Variants in ZMYND8 observed in about 807,000 individuals in gnomAD.
ZMYND8 encodes the protein zinc finger MYND-type containing 8.
Under a neutral mutation model 140.8 loss-of-function variants are expected in ZMYND8, and 37 were observed. That is an observed-to-expected ratio of 0.26 (90% confidence interval 0.20 to 0.35). The LOEUF (loss-of-function observed/expected upper bound fraction) is 0.35, where lower values mean the gene tolerates loss of function less well. Among genes scored for constraint, ZMYND8 ranks in the 10% least tolerant of loss-of-function variants. The pLI, the probability that ZMYND8 is intolerant of heterozygous loss-of-function variation, is 1.00. For synonymous variants in ZMYND8, 592 were observed against 597.1 expected (o/e 0.99, Z 0.12); for missense variants, 1,068 against 1,570.0 (o/e 0.68, Z 5.40).
chr20:47,305,561 CAA>C (rs3092386), intron 3 of ZMYND8, among the ~76,000 whole-genome samples: 6 of 126,514 alleles, frequency 4.7e-5, no homozygotes, highest in Non-Finnish European at 3.6e-5. Flanking sequence ...TTGTTTCTTT[CAA>C]AAAAAAAAAA....
At position 47,210,833 on chromosome 20, in the gene ZMYND8, G is replaced by A. The variant is rs758785190; in HGVS notation, c.3633C>T (p.Ser1211=). The change falls in exon 23 of 23, where the codon TCC becomes TCT. Residue 1211 remains serine, a synonymous_variant. Coordinates refer to ENST00000471951, the MANE Select transcript of ZMYND8 (RefSeq NM_001281775.3). ...TCGTGCTGGTACTGGTGTTGTGATC[G>A]GAACGTGTCGATCCCCTCTTCTCAT... ...SSDEKRGSTR[S]DHNTSTSTKS... is the part of the protein sequence containing the mutation. 64 of 1,613,948 alleles carry A rather than the reference G, an allele frequency of 4.0e-5. No homozygotes were observed. The East Asian group carries it at 1.2e-3, about 30-fold the overall frequency.
Position 47,276,811 on chromosome 20 carries a change from A to G in ZMYND8, c.999-16T>C, listed in dbSNP as rs770718602. ...AACCCAGGCCCTAGAAGGGCAAAAG[A>G]TAAAGAGAGTTTAAGTCAACTTCAG... On this transcript the variant is annotated splice_polypyrimidine_tract_variant and intron_variant, in intron 10 of 22. Coordinates refer to ENST00000471951, the MANE Select transcript of ZMYND8 (RefSeq NM_001281775.3). The G allele has an allele frequency of 1.9e-6, 3 of 1,568,912 alleles. No individual in the cohort carries two copies. In the African/African-American group the frequency reaches 4.1e-5, roughly 22 times the overall value.
chr20:47,288,614 G>A (rs183057676), intron 7 of ZMYND8, among the ~76,000 whole-genome samples: 2 of 151,882 alleles, frequency 1.3e-5, no homozygotes, highest in African/African-American at 4.8e-5. Context: ...AGCTGATCTC[G>A]AACCCCTGAC....
intron 12 of ZMYND8, among the ~76,000 whole-genome samples, chr20:47,255,677 ATG>A (rs376160663): frequency 2.3e-4 from 23 of 100,916 alleles, no homozygotes; most frequent in African/African-American, 6.1e-4. Context: ...TATATGGTGT[ATG>A]TGTGTGTGTG....
chr20:47,334,191 C>G (rs2081204121), intron 2 of ZMYND8, among the ~76,000 whole-genome samples: 1 of 152,114 alleles, frequency 6.6e-6, no homozygotes, highest in South Asian at 2.1e-4. Context: ...GATCATGTGG[C>G]TGACTGGGAG....
intron 7 of ZMYND8, among the ~76,000 whole-genome samples, chr20:47,289,545 A>G (rs6018395): frequency 0.64 from 97,417 of 151,630 alleles, 32,237 homozygotes; most frequent in African/African-American, 0.81. Flanking sequence ...GCCCAAAGCT[A>G]AGAACAACCC....
Position 47,298,453 on chromosome 20 carries a change from T to A in ZMYND8, c.453+276A>T. 1.0e-6 allele frequency: 1 copy of A among 985,396 alleles called. No individual in the cohort carries two copies. 61.0% of individuals were successfully genotyped at this position (985,396 alleles called of 1,614,324 possible). On this transcript the variant is annotated intron_variant, in intron 4 of 22. Transcript: ENST00000471951. This position sits in a 1 kb window ranked among gnomAD's most constrained non-coding sequence, Gnocchi z 5.0. ...GAGTTAACTTTCAAAAAGTTCATCA[T>A]AGAAGATGCAGAGATGACGACTACA...
chr20:47,317,278 T>C (rs1260551346), intron 2 of ZMYND8, among the ~76,000 whole-genome samples: 1 of 152,056 alleles, frequency 6.6e-6, no homozygotes, highest in Non-Finnish European at 1.5e-5. Context: ...ACCTCCCAAT[T>C]TCCAAACAGT....
chr20:47,275,912 T>C (rs2076229738), intron 11 of ZMYND8, among the ~76,000 whole-genome samples: 1 of 152,180 alleles, frequency 6.6e-6, no homozygotes, highest in Admixed American at 6.5e-5. Flanking sequence ...CCTGGTCAAG[T>C]ATTATTTTTT....
intron 2 of ZMYND8, among the ~76,000 whole-genome samples, chr20:47,328,650 G>A (rs1002400005): frequency 2.6e-5 from 4 of 152,104 alleles, no homozygotes; most frequent in African/African-American, 9.7e-5. Context: ...TTTTAGTAGA[G>A]ACAGGGTTTC....
chr20:47,212,760 CAGAG>C (rs1260636199), intron 21 of ZMYND8, 35 bp from the exon 22 acceptor site: 5 of 1,565,374 alleles, frequency 3.2e-6, no homozygotes, highest in African/African-American at 1.4e-5. Flanking sequence ...CAGAGTCTGT[CAGAG>C]AGCTGGAATT....
chr20:47,220,382 C>G, intron 20 of ZMYND8, 58 bp from the exon 21 acceptor site: 1 of 1,328,756 alleles, frequency 7.5e-7, no homozygotes, highest in Non-Finnish European at 1.1e-6. Context: ...GTCGCCCCCA[C>G]AGGGAAATCC....
At chr20:47,290,660 C>T (rs1449949369) in intron 6 of ZMYND8, among the ~76,000 whole-genome samples, 3 of 130,024 alleles carry the variant, frequency 2.3e-5, no homozygotes, top group Non-Finnish European at 4.6e-5. Flanking sequence ...GGCGTGATCT[C>T]GGCTCACTGC....
intron 18 of ZMYND8, among the ~76,000 whole-genome samples, chr20:47,225,994 T>C (rs2037659490): frequency 6.6e-6 from 1 of 151,298 alleles, no homozygotes; most frequent in Non-Finnish European, 1.5e-5. Context: ...CTACTAAAAG[T>C]ACAAAACTTA....
chr20:47,350,078 GA>G (rs2082647110), intron 1 of ZMYND8: 10 of 1,362,444 alleles, frequency 7.3e-6, no homozygotes, highest in African/African-American at 1.5e-5. Context: ...AAGAGAGAGG[GA>G]AAAAAAAGTT....
intron 4 of ZMYND8, among the ~76,000 whole-genome samples, 156 bp from the exon 5 acceptor site, chr20:47,294,935 T>C (rs2077546277): frequency 6.6e-6 from 1 of 152,212 alleles, no homozygotes; most frequent in Non-Finnish European, 1.5e-5. Context: ...TGGAACAAAA[T>C]GTACCAGATC....
At position 47,325,692 on chromosome 20, in the gene ZMYND8, T is replaced by G. The variant is rs2148400383; in HGVS notation, c.86-15488A>C. On this transcript the variant is annotated intron_variant, in intron 2 of 22. Transcript: ENST00000471951. Reference sequence around the variant, plus strand: ...CTTGAATGGGATGGGGCCATTCAGCTAAATGCAATTACTGAAAAATCAAAG... The same window carrying G: ...CTTGAATGGGATGGGGCCATTCAGCGAAATGCAATTACTGAAAAATCAAAG... 2.0e-5 allele frequency among the ~76,000 whole-genome samples: 3 copies of G among 152,324 alleles called. 1 individual carries two copies. In the Middle Eastern group the frequency reaches 0.01, roughly 518 times the overall value.
At chr20:47,343,261 G>A (rs2082056083) in intron 2 of ZMYND8, among the ~76,000 whole-genome samples, 1 of 152,188 alleles carries the variant, frequency 6.6e-6, no homozygotes, top group African/African-American at 2.4e-5. Flanking sequence ...CTCCAGCCTG[G>A]GCAGCAGAAC....
At chr20:47,279,128 T>A (rs1306011163) in intron 10 of ZMYND8, among the ~76,000 whole-genome samples, 4 of 152,060 alleles carry the variant, frequency 2.6e-5, no homozygotes, top group Admixed American at 6.6e-5. Context: ...CCCCAACTAT[T>A]TTCCATGAAA....
Sources: gnomAD v4.1 joint callset for allele counts (sites outside exome capture counted in the v4.1 genomes callset) on GRCh38, gnomAD v4.1.1 for gene constraint, Gnocchi (gnomAD v3.1) non-coding constraint, MANE v1.5 for transcripts, NCBI Gene and HGNC (gene_info 2026-07-23, HGNC 2026-07-21) for gene names.